The following DAAM1 variants were observed in gnomAD, a reference collection of about 807,000 sequenced individuals.
The protein encoded by DAAM1 is disheveled-associated activator of morphogenesis 1.
A neutral mutation model predicts 130.0 loss-of-function variants in DAAM1; 52 were observed. That is an observed-to-expected ratio of 0.40 (90% CI 0.32 to 0.50). The LOEUF (loss-of-function observed/expected upper bound fraction) is 0.50. Among genes scored for constraint, DAAM1 ranks in the 20% least tolerant of loss-of-function variants. DAAM1 has a pLI of 0.61. For synonymous variants in DAAM1, 452 were observed against 444.5 expected (o/e 1.02, Z -0.21); for missense variants, 1,134 against 1,303.8 (o/e 0.87, Z 2.01).
chr14:59,289,784 A>ATATATATATATACATATAT, intron 2 of DAAM1, among the ~76,000 whole-genome samples: 1 of 128,712 alleles, frequency 7.8e-6, no homozygotes, highest in African/African-American at 2.9e-5. Context: ...ATATATATAT[A>ATATATATATATACATATAT]ATGGAATGCT....
chr14:59,361,977 AT>A (rs1271463024), intron 22 of DAAM1, among the ~76,000 whole-genome samples: 1 of 148,034 alleles, frequency 6.8e-6, no homozygotes, highest in African/African-American at 2.5e-5. Context: ...ACAATGTCTA[AT>A]TTTTTTTTCA....
chr14:59,367,361 C>T, intron 23 of DAAM1, 68 bp from the exon 24 acceptor site: 1 of 1,522,276 alleles, frequency 6.6e-7, no homozygotes, highest in Non-Finnish European at 8.8e-7. Context: ...TGGTCTTTCT[C>T]AAGTTATTTA....
intron 1 of DAAM1, among the ~76,000 whole-genome samples, chr14:59,193,526 A>G (rs1887796104): frequency 6.6e-6 from 1 of 151,876 alleles, no homozygotes; most frequent in Non-Finnish European, 1.5e-5. Context: ...TTTCAGGGAG[A>G]GTTTGCATTC....
intron 23 of DAAM1, 86 bp from the exon 24 acceptor site, chr14:59,367,343 C>T: frequency 6.7e-7 from 1 of 1,500,218 alleles, no homozygotes; most frequent in Non-Finnish European, 8.9e-7. Context: ...TTGACTCAAT[C>T]TGGGCTTTGG....
At chr14:59,289,899 C>T (rs1020456633) in intron 2 of DAAM1, among the ~76,000 whole-genome samples, 33 of 151,960 alleles carry the variant, frequency 2.2e-4, no homozygotes, top group Middle Eastern at 3.4e-3. Flanking sequence ...CGAAATATCG[C>T]ATGTTCTCAC....
At chr14:59,225,983 T>C (rs1263942624) in intron 1 of DAAM1, among the ~76,000 whole-genome samples, 1 of 152,156 alleles carries the variant, frequency 6.6e-6, no homozygotes, top group African/African-American at 2.4e-5. Flanking sequence ...CCTACGACAT[T>C]GGGGCAACTA....
At chr14:59,231,263 T>C (rs540696212) in intron 1 of DAAM1, among the ~76,000 whole-genome samples, 2 of 152,326 alleles carry the variant, frequency 1.3e-5, no homozygotes, top group South Asian at 4.1e-4. Flanking sequence ...TGTAGAACGA[T>C]TAAATCAAAC....
chr14:59,202,326 C>G (rs951568479), intron 1 of DAAM1, among the ~76,000 whole-genome samples: 2 of 152,042 alleles, frequency 1.3e-5, no homozygotes, highest in African/African-American at 4.8e-5. Context: ...TTACAGTGAC[C>G]CAAGGGGGTG....
chr14:59,262,091 C>T (rs997353016), intron 1 of DAAM1, among the ~76,000 whole-genome samples: 2 of 151,734 alleles, frequency 1.3e-5, no homozygotes, highest in African/African-American at 4.8e-5. Flanking sequence ...TTTTTAACCT[C>T]ATTGAAGACT....
chr14:59,198,671 A>G (rs1325794857), intron 1 of DAAM1, among the ~76,000 whole-genome samples: 5 of 152,210 alleles, frequency 3.3e-5, no homozygotes, highest in African/African-American at 1.2e-4. Flanking sequence ...GACTTTTCTA[A>G]TGAGGAAGGA....
chr14:59,270,219 T>A (rs1594790882), intron 2 of DAAM1, among the ~76,000 whole-genome samples: 1 of 152,212 alleles, frequency 6.6e-6, no homozygotes, highest in South Asian at 2.1e-4. Flanking sequence ...TGAGGCTGGG[T>A]AATTTATAGA....
chr14:59,233,878 C>A (rs1196745805), intron 1 of DAAM1, among the ~76,000 whole-genome samples: 1 of 152,116 alleles, frequency 6.6e-6, no homozygotes, highest in Non-Finnish European at 1.5e-5. Context: ...CACAATTTAT[C>A]AGATAGAGAA....
intron 10 of DAAM1, 86 bp downstream of exon 10, chr14:59,326,163 CAT>C: frequency 7.3e-6 from 9 of 1,239,838 alleles, no homozygotes; most frequent in Non-Finnish European, 1.1e-5. Flanking sequence ...GTGCTGATTA[CAT>C]TGGGTGCACA....
intron 3 of DAAM1, among the ~76,000 whole-genome samples, chr14:59,298,725 T>C (rs1280157337): frequency 6.6e-6 from 1 of 152,194 alleles, no homozygotes; most frequent in East Asian, 1.9e-4. Context: ...CAAAAGGCAA[T>C]TGGTTTTTGA....
At chr14:59,337,650 T>TA (rs1418197043) in intron 15 of DAAM1, among the ~76,000 whole-genome samples, 1 of 152,238 alleles carries the variant, frequency 6.6e-6, no homozygotes, top group African/African-American at 2.4e-5. Flanking sequence ...AAGTCTTTTC[T>TA]AAAAACTATT....
chr14:59,360,907 A>G (rs1886681503), intron 22 of DAAM1, 45 bp downstream of exon 22: 1 of 1,580,540 alleles, frequency 6.3e-7, no homozygotes, highest in Non-Finnish European at 8.7e-7. Flanking sequence ...TCTCTTCACT[A>G]TCTCTAGTGC....
At position 59,370,384 on chromosome 14, in the gene DAAM1, CAG is replaced by C. The variant is rs1176532251; in HGVS notation, c.*1528_*1529del. Reference sequence around the variant, plus strand: ...AGTAGGGCTACAATGGTAAGCAAGACAGAGTCCCTGCCCCCAAAGAGCTTATA... The same window carrying C: ...AGTAGGGCTACAATGGTAAGCAAGACAGTCCCTGCCCCCAAAGAGCTTATA... On this transcript the variant is annotated 3_prime_UTR_variant, in exon 25 of 25. Coordinates refer to ENST00000360909, the MANE Select transcript of DAAM1 (RefSeq NM_001270520.2). 1 of 151,950 alleles carries C rather than the reference CAG, an allele frequency of 6.6e-6. No individual in the cohort carries two copies. Among genetic ancestry groups the C allele is most frequent in the Non-Finnish European group, 1.5e-5 (1 of 67,954 alleles). 9.4% of individuals were successfully genotyped at this position (151,950 alleles called of 1,614,324 possible).
intron 1 of DAAM1, among the ~76,000 whole-genome samples, chr14:59,259,520 C>T (rs963476605): frequency 2.0e-5 from 3 of 152,144 alleles, no homozygotes; most frequent in Admixed American, 6.5e-5. Context: ...GGAACACTTC[C>T]CCATCCCCCA....
chr14:59,272,086 G>A (rs1882734497), intron 2 of DAAM1, among the ~76,000 whole-genome samples: 1 of 150,460 alleles, frequency 6.6e-6, no homozygotes, highest in African/African-American at 2.5e-5. Flanking sequence ...AAAGATACAT[G>A]TCTACAATAG....
Sources: allele counts gnomAD v4.1 joint callset (sites outside exome capture counted in the v4.1 genomes callset), GRCh38; gene constraint gnomAD v4.1.1; transcripts MANE v1.5; gene names NCBI Gene and HGNC (gene_info 2026-07-23, HGNC 2026-07-21).